AK9: variants seen among roughly 807,000 people sequenced by gnomAD.
The protein encoded by AK9 is adenylate kinase 9.
A neutral mutation model predicts 239.6 loss-of-function variants in AK9; 191 were observed. That is an observed-to-expected ratio of 0.80 (90% CI 0.71 to 0.90). AK9 has a LOEUF of 0.90. Ranked by LOEUF, AK9 falls within the 40% of genes least tolerant of loss-of-function variation. The pLI is 0.00. For synonymous variants in AK9, 689 were observed against 721.0 expected, an observed-to-expected ratio of 0.96 and a Z score of 0.71; for missense variants, 1,995 against 2,214.7, an observed-to-expected ratio of 0.90 and a Z score of 1.99.
In AK9 at chr6:109,585,920, G is replaced by A; in HGVS notation, c.1995C>T (p.Asn665=). Residue 665 remains asparagine (N), a synonymous_variant, in exon 18 of 41, where the codon AAC becomes AAT. Transcript: ENST00000424296. ...ACATAATAAATATTTACCAACCATT[G>A]TTTTCTGTATCTGATAAATAGATGA... ...DLVIYLSDTE[N]NGKCLFNRIY... The A allele has an allele frequency of 2.0e-6, 3 of 1,529,786 alleles. No homozygotes were observed. The highest frequency in any genetic ancestry group is 2.6e-6 in the Non-Finnish European group (3 of 1,139,830). The allele number at this position is 1,529,786 out of a possible 1,614,324, so 94.8% of individuals were successfully genotyped here.
chr6:109,497,754 G>A lies in AK9; in HGVS notation c.5216+42C>T, dbSNP rs778356471. ...TTATTACATGAACCACTTCTTTGGC[G>A]TAGCAATATCATTCTATACTTCCAT... is the stretch of plus-strand genomic sequence containing the variant. On this transcript the variant is annotated intron_variant, in intron 37 of 40. Coordinates refer to ENST00000424296, the MANE Select transcript of AK9 (RefSeq NM_001145128.3). 5.6e-5 allele frequency: 89 copies of A among 1,582,562 alleles called. 1 individual carries two copies. The highest frequency in any genetic ancestry group is 4.4e-4 in the Admixed American group (25 of 56,420).
intron 10 of AK9, among the ~76,000 whole-genome samples, chr6:109,637,599 T>A (rs1429057597): frequency 6.6e-6 from 1 of 152,238 alleles, no homozygotes; most frequent in Non-Finnish European, 1.5e-5. Context: ...TTTCACTTAA[T>A]GACAGAGCCC....
At chr6:109,638,693 G>A (rs957305737) in intron 10 of AK9, among the ~76,000 whole-genome samples, 6 of 152,078 alleles carry the variant, frequency 3.9e-5, no homozygotes, top group African/African-American at 1.4e-4. Flanking sequence ...GGGTACATGT[G>A]CACAATGTGC....
intron 5 of AK9, among the ~76,000 whole-genome samples, chr6:109,663,181 T>G (rs1405065125): frequency 6.6e-6 from 1 of 152,208 alleles, no homozygotes; most frequent in Non-Finnish European, 1.5e-5. Context: ...TTAGTGCAGT[T>G]ATTGGCTTGT....
At chr6:109,610,161 G>A (rs773839230) in intron 17 of AK9, among the ~76,000 whole-genome samples, 2 of 152,142 alleles carry the variant, frequency 1.3e-5, no homozygotes, top group Non-Finnish European at 2.9e-5. Flanking sequence ...AATTTTGTTT[G>A]TAATTGAAAA....
intron 12 of AK9, among the ~76,000 whole-genome samples, chr6:109,629,884 C>T (rs944177588): frequency 1.3e-5 from 2 of 152,052 alleles, no homozygotes; most frequent in Admixed American, 6.5e-5. Context: ...CTACCCGCCT[C>T]GGCCTCCCAA....
chr6:109,501,648 C>G (rs1364603714), intron 35 of AK9, among the ~76,000 whole-genome samples: 3 of 152,202 alleles, frequency 2.0e-5, no homozygotes, highest in Non-Finnish European at 4.4e-5. Flanking sequence ...CTAACAAGGT[C>G]TTTAGGACAT....
At chr6:109,686,246 G>A (rs1773490466) in intron 1 of AK9, among the ~76,000 whole-genome samples, 2 of 152,148 alleles carry the variant, frequency 1.3e-5, no homozygotes, top group Non-Finnish European at 2.9e-5. Flanking sequence ...CCCTTATAAA[G>A]ACACATGAGC....
In AK9 at chr6:109,550,159, T is replaced by C. The variant is rs1325719818; in HGVS notation, c.2895A>G (p.Ser965=). 1.2e-6 allele frequency: 2 copies of C among 1,614,066 alleles called. No individual in the cohort carries two copies. The highest frequency in any genetic ancestry group is 1.7e-6 in the Non-Finnish European group (2 of 1,180,026). The change falls in exon 25 of 41, where the codon TCA becomes TCG. Residue 965 remains serine (S), a synonymous_variant. Coordinates refer to ENST00000424296, the MANE Select transcript of AK9 (RefSeq NM_001145128.3). ...AAAACTTTTCTTTAGCCTCAGCACT[T>C]GAAAAGTAGTAGATCTTTTCTCGAT... The part of the protein sequence containing the change: ...AKYREKIYYF[S]SAEAKEKFLE...
At chr6:109,668,120 G>T (rs1181937129) in intron 5 of AK9, among the ~76,000 whole-genome samples, 2 of 152,190 alleles carry the variant, frequency 1.3e-5, no homozygotes, top group African/African-American at 4.8e-5. Context: ...ATATCTCATT[G>T]TGGTTTTGAT....
intron 1 of AK9, among the ~76,000 whole-genome samples, chr6:109,683,354 A>G (rs1411677852): frequency 6.6e-6 from 1 of 152,112 alleles, no homozygotes; most frequent in Non-Finnish European, 1.5e-5. Context: ...AAGGATGCCC[A>G]CTCTCACCAC....
chr6:109,565,460 C>A (rs538142654), intron 21 of AK9, among the ~76,000 whole-genome samples: 4 of 147,338 alleles, frequency 2.7e-5, no homozygotes, highest in East Asian at 4.2e-4. Flanking sequence ...GGTGACAGAG[C>A]AAGACACCAT....
chr6:109,583,651 T>C (rs890489875), intron 19 of AK9, among the ~76,000 whole-genome samples: 18 of 152,042 alleles, frequency 1.2e-4, no homozygotes, highest in African/African-American at 4.1e-4. Flanking sequence ...TTTATAAAGA[T>C]GTAAAAATTT....
chr6:109,660,421 C>T (rs1222533445), intron 6 of AK9, among the ~76,000 whole-genome samples: 2 of 152,120 alleles, frequency 1.3e-5, no homozygotes, highest in Non-Finnish European at 2.9e-5. Context: ...GATTCTGATG[C>T]TGGCAGTTCA....
At chr6:109,647,970 A>G (rs1007692005) in intron 8 of AK9, among the ~76,000 whole-genome samples, 2 of 152,174 alleles carry the variant, frequency 1.3e-5, no homozygotes, top group African/African-American at 4.8e-5. Flanking sequence ...GAAACTGAAC[A>G]ACCTGCTCCT....
intron 8 of AK9, among the ~76,000 whole-genome samples, chr6:109,646,763 G>T (rs191306808): frequency 2.8e-4 from 42 of 152,262 alleles, no homozygotes; most frequent in African/African-American, 9.6e-4. Context: ...TCCTTGAGAA[G>T]AGCAACCCCA....
At chr6:109,547,669 G>A (rs1783740759) in intron 25 of AK9, among the ~76,000 whole-genome samples, 1 of 151,848 alleles carries the variant, frequency 6.6e-6, no homozygotes. Flanking sequence ...CAAAAACACA[G>A]GCAATAAAAG....
intron 24 of AK9, among the ~76,000 whole-genome samples, chr6:109,551,865 T>G (rs1784409438): frequency 6.6e-6 from 1 of 152,058 alleles, no homozygotes; most frequent in Middle Eastern, 3.4e-3. Context: ...TGACCCATCC[T>G]CTACGTTCCT....
intron 1 of AK9, among the ~76,000 whole-genome samples, chr6:109,686,250 C>G (rs1259258415): frequency 2.6e-5 from 4 of 152,162 alleles, no homozygotes; most frequent in Non-Finnish European, 4.4e-5. Flanking sequence ...TATAAAGACA[C>G]ATGAGCAGTA....
Sources: gnomAD v4.1 joint callset for allele counts (sites outside exome capture counted in the v4.1 genomes callset) on GRCh38, gnomAD v4.1.1 for gene constraint, MANE v1.5 for transcripts, NCBI Gene and HGNC (gene_info 2026-07-23, HGNC 2026-07-21) for gene names.